SPSB1: variants seen among roughly 807,000 people sequenced by gnomAD.
The protein encoded by SPSB1 is splA/ryanodine receptor domain and SOCS box containing 1, also known as SPRY domain-containing SOCS box protein 1.
Under a neutral mutation model 21.2 loss-of-function variants are expected in SPSB1, and 8 were observed. That is an observed-to-expected ratio of 0.38 (90% confidence interval 0.22 to 0.68). SPSB1 has a LOEUF of 0.68. Ranked by LOEUF, SPSB1 falls within the 30% of genes least tolerant of loss-of-function variation. SPSB1 has a pLI of 0.53. For synonymous variants in SPSB1, 169 were observed against 161.7 expected, an observed-to-expected ratio of 1.05 and a Z score of -0.34; for missense variants, 242 against 377.8, an observed-to-expected ratio of 0.64 and a Z score of 2.98.
intron 1 of SPSB1, among the ~76,000 whole-genome samples, chr1:9,299,366 C>A (rs1053842459): frequency 6.6e-6 from 1 of 152,182 alleles, no homozygotes; most frequent in South Asian, 2.1e-4. Flanking sequence ...GGGCTGGGCA[C>A]GGTGGCTCAC....
rs1163687627 is a variant in SPSB1, at chr1:9,345,351, C to T, written c.-149-10392C>T. Among the ~76,000 whole-genome samples, 1 of 152,172 alleles carries T rather than the reference C, an allele frequency of 6.6e-6. No homozygotes were observed. Among genetic ancestry groups the T allele is most frequent in the African/African-American group, 2.4e-5 (1 of 41,438 alleles). ...TTTTGGGCCTGCCTTTCTGCTTCCACTCTTTGGGGGCGCCCCACCTCCTGT... is the reference window on the plus strand; with the variant it reads ...TTTTGGGCCTGCCTTTCTGCTTCCATTCTTTGGGGGCGCCCCACCTCCTGT... On this transcript the variant is annotated intron_variant, in intron 1 of 2. Coordinates refer to ENST00000328089, the MANE Select transcript of SPSB1 (RefSeq NM_025106.4). The surrounding 1 kb of genome is among the most constrained non-coding windows in gnomAD (Gnocchi z 4.8).
chr1:9,319,457 G>A (rs1470882497), intron 1 of SPSB1, among the ~76,000 whole-genome samples: 1 of 152,104 alleles, frequency 6.6e-6, no homozygotes, highest in African/African-American at 2.4e-5. Context: ...GGATCTCAAA[G>A]TACAGGGGTG....
At chr1:9,340,814 C>G (rs1406706262) in intron 1 of SPSB1, among the ~76,000 whole-genome samples, 1 of 152,250 alleles carries the variant, frequency 6.6e-6, no homozygotes, top group Non-Finnish European at 1.5e-5. Context: ...CTCAACGCAG[C>G]CTGTCTGATG....
intron 1 of SPSB1, among the ~76,000 whole-genome samples, chr1:9,306,469 A>C (rs2100465532): frequency 6.6e-6 from 1 of 152,254 alleles, no homozygotes; most frequent in South Asian, 2.1e-4. Flanking sequence ...GCCATCAACG[A>C]TGTGGCATAT....
rs1459070340 is a variant in SPSB1 at position 9,346,230 on chromosome 1, G to A, written c.-149-9513G>A. 6.6e-6 allele frequency among the ~76,000 whole-genome samples: 1 copy of A among 152,264 alleles called. No homozygotes were observed. The highest frequency in any genetic ancestry group is 1.9e-4 in the East Asian group (1 of 5,202). ...GAGGGAACTTACGTGATCTTCAGGT[G>A]AAAGGAGGCTTTATAAATAGGTCAC... On this transcript the variant is annotated intron_variant, in intron 1 of 2. Transcript: ENST00000328089. The surrounding 1 kb of genome is among the most constrained non-coding windows in gnomAD (Gnocchi z 4.4).
chr1:9,306,930 CTTTT>C (rs200660299), intron 1 of SPSB1, among the ~76,000 whole-genome samples: 1 of 67,446 alleles, frequency 1.5e-5, no homozygotes, highest in Non-Finnish European at 3.5e-5. Flanking sequence ...TTCTTTTCTT[CTTTT>C]TTTTTTTTTT....
In SPSB1 at chr1:9,315,302, G is replaced by T. The variant is rs560418761; in HGVS notation, c.-150+22231G>T. ...TACTGGCTCCAAGGGACACAGCCCC[G>T]TGCCAGTGTTGCCCACCCACGTTAG... On this transcript the variant is annotated intron_variant, in intron 1 of 2. Coordinates refer to ENST00000328089, the MANE Select transcript of SPSB1 (RefSeq NM_025106.4). Among the ~76,000 whole-genome samples, 149 of 152,328 alleles carry T rather than the reference G, an allele frequency of 9.8e-4. 4 individuals are homozygous for T. Among genetic ancestry groups the T allele is most frequent in the Non-Finnish European group, 1.1e-3 (77 of 68,026 alleles).
chr1:9,328,300 A>G (rs557072144), intron 1 of SPSB1, among the ~76,000 whole-genome samples: 7 of 152,332 alleles, frequency 4.6e-5, no homozygotes, highest in Middle Eastern at 3.4e-3. Context: ...GATGTTGTGC[A>G]AAGATGCACT....
At chr1:9,347,414 A>G (rs750519309) in intron 1 of SPSB1, among the ~76,000 whole-genome samples, 7 of 141,484 alleles carry the variant, frequency 4.9e-5, no homozygotes, top group South Asian at 4.5e-4. Context: ...AAAGGAATAC[A>G]TGCATTTTAA....
intron 1 of SPSB1, among the ~76,000 whole-genome samples, chr1:9,329,805 G>A (rs1320528556): frequency 1.3e-5 from 2 of 152,148 alleles, no homozygotes; most frequent in African/African-American, 4.8e-5. Flanking sequence ...TGGGGCCGTG[G>A]GGATGGTAGG....
rs566814834 is a variant in SPSB1 at position 9,296,736 on chromosome 1, T to C, written c.-150+3665T>C. On this transcript the variant is annotated intron_variant, in intron 1 of 2. Transcript: ENST00000328089. Reference sequence around the variant, plus strand: ...AGCATCACATCTCAAAGAGGTTGACTGTTACTCTATGCGGGGCAAGAGTCG... The same window carrying C: ...AGCATCACATCTCAAAGAGGTTGACCGTTACTCTATGCGGGGCAAGAGTCG... Among the ~76,000 whole-genome samples the C allele has an allele frequency of 1.2e-4, 19 of 152,380 alleles. No individual in the cohort carries two copies. In the South Asian group the frequency reaches 3.7e-3, roughly 30 times the overall value.
chr1:9,298,534 A>C (rs1206764713), intron 1 of SPSB1, among the ~76,000 whole-genome samples: 1 of 152,190 alleles, frequency 6.6e-6, no homozygotes, highest in Non-Finnish European at 1.5e-5. Context: ...TTATGCTATT[A>C]ATTTTTCTCC....
intron 1 of SPSB1, among the ~76,000 whole-genome samples, chr1:9,306,564 A>G (rs1383934736): frequency 6.6e-6 from 1 of 152,128 alleles, no homozygotes; most frequent in South Asian, 2.1e-4. Flanking sequence ...GGTACTACCC[A>G]TTTTACAGAT....
chr1:9,345,851 T>C lies in SPSB1; in HGVS notation c.-149-9892T>C, dbSNP rs1640159980. Among the ~76,000 whole-genome samples, 1 of 152,198 alleles carries C rather than the reference T, an allele frequency of 6.6e-6. No individual in the cohort carries two copies. The highest frequency in any genetic ancestry group is 2.4e-5 in the African/African-American group (1 of 41,462). ...TGTTGATTCTAGGGGCACAGACTTA[T>C]TTTTATATCCCTCCTTGAGGGGTCC... On this transcript the variant is annotated intron_variant, in intron 1 of 2. Transcript: ENST00000328089. This position sits in a 1 kb window ranked among gnomAD's most constrained non-coding sequence, Gnocchi z 4.8.
chr1:9,307,047 C>T (rs556152856), intron 1 of SPSB1, among the ~76,000 whole-genome samples: 2 of 152,098 alleles, frequency 1.3e-5, no homozygotes, highest in South Asian at 4.1e-4. Flanking sequence ...CCCTCCTTAG[C>T]CTCCTGGGTA....
Position 9,324,975 on chromosome 1 carries a change from C to T in SPSB1, c.-149-30768C>T, listed in dbSNP as rs1639789458. ...CTGGTGGATCGGAGGCGCCTGTGAG[C>T]GGGTCAGTACTGGGTAGGCAGCCCC... On this transcript the variant is annotated intron_variant, in intron 1 of 2. Coordinates refer to ENST00000328089, the MANE Select transcript of SPSB1 (RefSeq NM_025106.4). The surrounding 1 kb of genome is among the most constrained non-coding windows in gnomAD (Gnocchi z 4.3). Among the ~76,000 whole-genome samples, 1 of 152,192 alleles carries T rather than the reference C, an allele frequency of 6.6e-6. No homozygotes were observed. Among genetic ancestry groups the T allele is most frequent in the African/African-American group, 2.4e-5 (1 of 41,448 alleles).
In SPSB1 at chr1:9,339,013, T is replaced by G. The variant is rs1203204290; in HGVS notation, c.-149-16730T>G. On this transcript the variant is annotated intron_variant, in intron 1 of 2. Transcript: ENST00000328089. ...GGGCCCGGGAGCGGCCTCCAGTGTTTGTTTTGCCTTCTGGTTCTCCAGGCC... is the reference window on the plus strand; with the variant it reads ...GGGCCCGGGAGCGGCCTCCAGTGTTGGTTTTGCCTTCTGGTTCTCCAGGCC... 2.0e-5 allele frequency among the ~76,000 whole-genome samples: 3 copies of G among 152,120 alleles called. No individual in the cohort carries two copies. The East Asian group carries it at 5.8e-4, about 29-fold the overall frequency.
At chr1:9,358,591 T>G (rs544931393) in intron 2 of SPSB1, among the ~76,000 whole-genome samples, 1 of 152,292 alleles carries the variant, frequency 6.6e-6, no homozygotes, top group Non-Finnish European at 1.5e-5. Flanking sequence ...GCCCTGACCC[T>G]CAGCCCTGCC....
intron 1 of SPSB1, among the ~76,000 whole-genome samples, chr1:9,335,950 G>A (rs1314963409): frequency 6.6e-6 from 1 of 152,216 alleles, no homozygotes; most frequent in African/African-American, 2.4e-5. Flanking sequence ...TACATATCAA[G>A]TACAAGGTAC....
Sources: gnomAD v4.1 joint callset for allele counts (sites outside exome capture counted in the v4.1 genomes callset) on GRCh38, gnomAD v4.1.1 for gene constraint, Gnocchi (gnomAD v3.1) non-coding constraint, MANE v1.5 for transcripts, NCBI Gene and HGNC (gene_info 2026-07-23, HGNC 2026-07-21) for gene names.